Variants in TMEM201 observed in about 807,000 individuals in gnomAD.
TMEM201 encodes RP13-15M17.2.
TMEM201 carries 26 observed loss-of-function variants against 63.4 expected under a neutral mutation model. The observed-to-expected ratio is 0.41, with a 90% CI of 0.30 to 0.57. The LOEUF (loss-of-function observed/expected upper bound fraction) is 0.57, where lower values mean the gene tolerates loss of function less well. Ranked by LOEUF, TMEM201 falls within the 20% of genes least tolerant of loss-of-function variation. The pLI is 0.29. For synonymous variants in TMEM201, 417 were observed against 421.6 expected (o/e 0.99, Z 0.14); for missense variants, 794 against 917.7 (o/e 0.87, Z 1.74).
In TMEM201 at chr1:9,593,477, G is replaced by A. The variant is rs140611599; in HGVS notation, c.114-2413G>A. Reference sequence around the variant, plus strand: ...GAGAGCCCACCCCCAACTCTAGCAGGGATTACCCAGGGCTGAGAGTGACAG... The same window carrying A: ...GAGAGCCCACCCCCAACTCTAGCAGAGATTACCCAGGGCTGAGAGTGACAG... On this transcript the variant is annotated intron_variant, in intron 1 of 10. Coordinates refer to ENST00000340381, the MANE Select transcript of TMEM201 (RefSeq NM_001130924.3). 8.7e-3 allele frequency among the ~76,000 whole-genome samples: 1,324 copies of A among 152,298 alleles called. 20 individuals carry two copies. Among genetic ancestry groups the A allele is most frequent in the African/African-American group, 0.03 (1,238 of 41,550 alleles).
In TMEM201 at chr1:9,608,074, C is replaced by CA. The variant is rs1163158067; in HGVS notation, c.1393+292dup. 2.6e-5 allele frequency among the ~76,000 whole-genome samples: 4 copies of CA among 152,002 alleles called. No individual in the cohort carries two copies. The highest frequency in any genetic ancestry group is 4.8e-5 in the African/African-American group (2 of 41,372). On this transcript the variant is annotated intron_variant, in intron 7 of 10. Transcript: ENST00000340381. The surrounding 1 kb of genome is among the most constrained non-coding windows in gnomAD (Gnocchi z 4.3). ...GCAACATAGGGAGACGCTGTCTCTACAAAAAAAGTTGTTTTAATTAACTGG... is the reference window on the plus strand; with the variant it reads ...GCAACATAGGGAGACGCTGTCTCTACAAAAAAAAGTTGTTTTAATTAACTGG...
At position 9,610,200 on chromosome 1, in the gene TMEM201, G is replaced by A. The variant is rs1440238125; in HGVS notation, c.1465+289G>A. Among the ~76,000 whole-genome samples, 1 of 152,206 alleles carries A rather than the reference G, an allele frequency of 6.6e-6. No individual in the cohort carries two copies. The highest frequency in any genetic ancestry group is 1.9e-4 in the East Asian group (1 of 5,200). On this transcript the variant is annotated intron_variant, in intron 8 of 10. Transcript: ENST00000340381. This position sits in a 1 kb window ranked among gnomAD's most constrained non-coding sequence, Gnocchi z 4.9. ...TGGCAGCAAGGCCTCGGGTGAGCTG[G>A]CCTTGTACCTCCAGGGTTTGCTGCT...
chr1:9,595,806 G>T, intron 1 of TMEM201, 84 bp from the exon 2 acceptor site: 2 of 1,583,246 alleles, frequency 1.3e-6, no homozygotes, highest in African/African-American at 1.3e-5. Context: ...CCTTTCCCTG[G>T]TGGCCCTGGG....
chr1:9,596,818 G>A lies in TMEM201; in HGVS notation c.235-41G>A, dbSNP rs202043188. ...GGACATCACCAAGCCTGAGCCAGCT[G>A]GGAGGGCCTGCCTGCCTCGAGTCCC... On this transcript the variant is annotated intron_variant, in intron 2 of 10. Coordinates refer to ENST00000340381, the MANE Select transcript of TMEM201 (RefSeq NM_001130924.3). 2.4e-5 allele frequency: 37 copies of A among 1,548,218 alleles called. No homozygotes were observed. The Admixed American group carries it at 3.9e-4, about 16-fold the overall frequency.
chr1:9,611,382 G>C (rs1469950163), intron 9 of TMEM201, among the ~76,000 whole-genome samples: 1 of 152,126 alleles, frequency 6.6e-6, no homozygotes, highest in Non-Finnish European at 1.5e-5. Flanking sequence ...ATTTTTAGTA[G>C]AGACGGGATA....
chr1:9,590,259 G>C (rs941257817), intron 1 of TMEM201, among the ~76,000 whole-genome samples: 1 of 152,150 alleles, frequency 6.6e-6, no homozygotes, highest in Non-Finnish European at 1.5e-5. Flanking sequence ...TGTCCAAGCC[G>C]GTGGTTTTAT....
chr1:9,610,151 G>A lies in TMEM201; in HGVS notation c.1465+240G>A, dbSNP rs1250737230. ...GCCGTCCTCAGTGGCAGTCACGGCT[G>A]GAACTGGTGCACCAGGTGCCAGCTG... On this transcript the variant is annotated intron_variant, in intron 8 of 10. Coordinates refer to ENST00000340381, the MANE Select transcript of TMEM201 (RefSeq NM_001130924.3). This position sits in a 1 kb window ranked among gnomAD's most constrained non-coding sequence, Gnocchi z 4.9. Among the ~76,000 whole-genome samples the A allele has an allele frequency of 6.6e-6, 1 of 152,214 alleles. No individual in the cohort carries two copies. Among genetic ancestry groups the A allele is most frequent in the Admixed American group, 6.5e-5 (1 of 15,280 alleles).
chr1:9,588,927 A>G lies in TMEM201; in HGVS notation c.-4A>G. 7.9e-7 allele frequency: 1 copy of G among 1,264,624 alleles called. No homozygotes were observed. The highest frequency in any genetic ancestry group is 1.0e-6 in the Non-Finnish European group (1 of 985,146). The allele number at this position is 1,264,624 out of a possible 1,614,324, so 78.3% of individuals were successfully genotyped here. ...CGGCCTGCCGTCCTTCCACGCGGAG[A>G]GCCATGGAGGGAGTGAGCGCGCTGC... On this transcript the variant is annotated 5_prime_UTR_variant, in exon 1 of 11. Transcript: ENST00000340381.
intron 1 of TMEM201, among the ~76,000 whole-genome samples, chr1:9,590,001 T>A (rs1005097483): frequency 2.0e-5 from 3 of 152,154 alleles, no homozygotes; most frequent in South Asian, 2.1e-4. Flanking sequence ...CCTTAACACA[T>A]ACCGGTGCTG....
chr1:9,602,318 C>A, intron 6 of TMEM201, 46 bp downstream of exon 6: 1 of 1,598,062 alleles, frequency 6.3e-7, no homozygotes, highest in Non-Finnish European at 8.5e-7. Flanking sequence ...CACGGATGCT[C>A]AGGCCCAGGC....
rs563668220 is a variant in TMEM201 at position 9,609,876 on chromosome 1, C to G, written c.1430C>G (p.Ser477Cys). Residue 477 changes from serine (S) to cysteine (C), a missense_variant, in exon 8 of 11, where the codon TCT becomes TGT. By Grantham distance (112) the Ser-to-Cys change is moderately radical (BLOSUM62 -1). Transcript: ENST00000340381. Reference protein sequence around the residue: ...GYLFSGSRPPSQVSRSGEFPV... With the variant: ...GYLFSGSRPPCQVSRSGEFPV... Reference sequence around the variant, plus strand: ...CTGTTCAGCGGTAGCCGCCCACCATCTCAGGTGTCTCGATCTGGGGAGTTT... The same window carrying G: ...CTGTTCAGCGGTAGCCGCCCACCATGTCAGGTGTCTCGATCTGGGGAGTTT... 1 of 1,551,518 alleles carries G rather than the reference C, an allele frequency of 6.4e-7. No individual in the cohort carries two copies. The highest frequency in any genetic ancestry group is 1.4e-5 in the African/African-American group (1 of 73,176).
intron 6 of TMEM201, 183 bp downstream of exon 6, chr1:9,602,455 C>T (rs1436419146): frequency 2.1e-6 from 3 of 1,439,530 alleles, no homozygotes; most frequent in African/African-American, 1.4e-5. Flanking sequence ...TCAGTCTGCC[C>T]TGCCTTTTCC....
intron 2 of TMEM201, 94 bp downstream of exon 2, chr1:9,596,104 G>A (rs924633428): frequency 1.5e-5 from 22 of 1,482,406 alleles, no homozygotes; most frequent in Middle Eastern, 2.3e-4. Flanking sequence ...GCCCTGCCCC[G>A]GGGCTCATGG....
chr1:9,604,493 C>T lies in TMEM201; in HGVS notation c.1160+2221C>T. The T allele has an allele frequency of 1.0e-6, 1 of 985,468 alleles. No individual in the cohort carries two copies. Among genetic ancestry groups the T allele is most frequent in the Non-Finnish European group, 1.2e-6 (1 of 829,934 alleles). 61.0% of individuals were successfully genotyped at this position (985,468 alleles called of 1,614,324 possible). On this transcript the variant is annotated intron_variant, in intron 6 of 10. Coordinates refer to ENST00000340381, the MANE Select transcript of TMEM201 (RefSeq NM_001130924.3). The surrounding 1 kb of genome is among the most constrained non-coding windows in gnomAD (Gnocchi z 4.1). ...GTGGCAACAGCTGAGAGAGTGCAGGCACCACTGTGTTGTGGCTTGTTGACC... is the reference window on the plus strand; with the variant it reads ...GTGGCAACAGCTGAGAGAGTGCAGGTACCACTGTGTTGTGGCTTGTTGACC...
Position 9,614,763 on chromosome 1 carries a change from G to A in TMEM201, c.*1680G>A, listed in dbSNP as rs982127639. On this transcript the variant is annotated 3_prime_UTR_variant, in exon 11 of 11. Transcript: ENST00000340381. The stretch of plus-strand genomic sequence containing the variant: ...CGGTCCCAGCATCCCCCAGAGCCAG[G>A]GAACAGGCCCAGCGGGAGGGGGTTT... 6.6e-6 allele frequency: 1 copy of A among 152,226 alleles called. No homozygotes were observed. The highest frequency in any genetic ancestry group is 2.4e-5 in the African/African-American group (1 of 41,456). 9.4% of individuals were successfully genotyped at this position (152,226 alleles called of 1,614,324 possible).
At position 9,607,134 on chromosome 1, in the gene TMEM201, T is replaced by C. The variant is rs1644256189; in HGVS notation, c.1161-423T>C. ...AGGATGTCCCTGAGCCCGGCCGCTC[T>C]GTGGGAAGGCTCGGCACAGAACAAG... On this transcript the variant is annotated intron_variant, in intron 6 of 10. Transcript: ENST00000340381. This position sits in a 1 kb window ranked among gnomAD's most constrained non-coding sequence, Gnocchi z 5.4. 6.6e-6 allele frequency among the ~76,000 whole-genome samples: 1 copy of C among 152,184 alleles called. No homozygotes were observed. Among genetic ancestry groups the C allele is most frequent in the Non-Finnish European group, 1.5e-5 (1 of 68,018 alleles).
intron 1 of TMEM201, 72 bp downstream of exon 1, chr1:9,589,115 C>A: frequency 1.4e-6 from 1 of 708,050 alleles, no homozygotes; most frequent in Non-Finnish European, 1.7e-6. Context: ...CGCCCCGGCC[C>A]GCTGCCCCCC....
chr1:9,592,815 C>A (rs948188308), intron 1 of TMEM201, among the ~76,000 whole-genome samples: 24 of 152,204 alleles, frequency 1.6e-4, no homozygotes, highest in African/African-American at 5.8e-4. Context: ...AGGGGCTCGG[C>A]ATCGAGCTAG....
chr1:9,594,457 C>G (rs1417252428), intron 1 of TMEM201, among the ~76,000 whole-genome samples: 1 of 152,218 alleles, frequency 6.6e-6, no homozygotes, highest in Non-Finnish European at 1.5e-5. Context: ...CAAGCCTCCC[C>G]CCACTCCATG....
Sources: allele counts gnomAD v4.1 joint callset (sites outside exome capture counted in the v4.1 genomes callset), GRCh38; gene constraint gnomAD v4.1.1; non-coding constraint Gnocchi (gnomAD v3.1); transcripts MANE v1.5; gene names NCBI Gene and HGNC (gene_info 2026-07-23, HGNC 2026-07-21).